GMDS: variants seen among roughly 807,000 people sequenced by gnomAD.
The protein encoded by GMDS is GDP-mannose 4,6-dehydratase, also known as GDP-mannose 4,6 dehydratase.
In GMDS, 20 loss-of-function variants were observed where a neutral mutation model predicts 49.9. The ratio of observed to expected loss-of-function variants is 0.40; its 90% CI spans 0.28 to 0.58. The LOEUF is 0.58. GMDS is among the 20% of genes least tolerant of loss of function. The pLI is 0.42. For synonymous variants in GMDS, 177 were observed against 178.6 expected, an observed-to-expected ratio of 0.99 and a Z score of 0.07; for missense variants, 362 against 481.4, an observed-to-expected ratio of 0.75 and a Z score of 2.32.
intron 4 of GMDS, among the ~76,000 whole-genome samples, chr6:2,099,199 G>A (rs577131654): frequency 2.0e-5 from 3 of 152,132 alleles, no homozygotes; most frequent in African/African-American, 7.2e-5. Flanking sequence ...TCAAATATGT[G>A]TTTTAAACTT....
chr6:1,651,362 T>C (rs1763648360), intron 9 of GMDS, among the ~76,000 whole-genome samples: 2 of 152,222 alleles, frequency 1.3e-5, no homozygotes, highest in South Asian at 4.1e-4. Context: ...AATAGTTCTG[T>C]GCACACTGTC....
Position 1,888,099 on chromosome 6 carries a change from C to T in GMDS, c.771+42004G>A, listed in dbSNP as rs191753395. ...AAGTACCTGAGACTACAGGGATGTG[C>T]CACCATTCCTGGCTATTTTTTTATT... On this transcript the variant is annotated intron_variant, in intron 7 of 10. Coordinates refer to ENST00000380815, the MANE Select transcript of GMDS (RefSeq NM_001500.4). Among the ~76,000 whole-genome samples, 678 of 151,656 alleles carry T rather than the reference C, an allele frequency of 4.5e-3. 4 individuals are homozygous for T. The highest frequency in any genetic ancestry group is 0.01 in the Middle Eastern group (3 of 294).
chr6:2,200,977 A>T (rs1440552586), intron 1 of GMDS, among the ~76,000 whole-genome samples: 2 of 145,844 alleles, frequency 1.4e-5, no homozygotes, highest in Non-Finnish European at 3.0e-5. Flanking sequence ...CCACATGGGC[A>T]TCCGAGATGA....
At chr6:2,160,692 C>T (rs1777354126) in intron 1 of GMDS, among the ~76,000 whole-genome samples, 2 of 152,082 alleles carry the variant, frequency 1.3e-5, no homozygotes, top group Non-Finnish European at 2.9e-5. Flanking sequence ...CACACCACCA[C>T]ACCTGGCTAA....
At chr6:1,908,116 C>A (rs868709075) in intron 7 of GMDS, among the ~76,000 whole-genome samples, 2 of 152,074 alleles carry the variant, frequency 1.3e-5, no homozygotes, top group South Asian at 2.1e-4. Flanking sequence ...ATCTGATAAC[C>A]AAGGAGGCTA....
At chr6:1,947,671 T>C (rs926008424) in intron 6 of GMDS, among the ~76,000 whole-genome samples, 6 of 152,184 alleles carry the variant, frequency 3.9e-5, no homozygotes, top group Non-Finnish European at 8.8e-5. Flanking sequence ...AAACATAAAA[T>C]CTGGCTTAAT....
intron 1 of GMDS, among the ~76,000 whole-genome samples, chr6:2,209,248 T>C (rs1238690869): frequency 6.6e-6 from 1 of 152,200 alleles, no homozygotes; most frequent in Non-Finnish European, 1.5e-5. Context: ...ATAAGAGCAC[T>C]GGTTGCCCCA....
intron 7 of GMDS, among the ~76,000 whole-genome samples, chr6:1,743,481 T>C (rs1767359896): frequency 7.0e-6 from 1 of 142,384 alleles, no homozygotes; most frequent in Non-Finnish European, 1.5e-5. Flanking sequence ...AGGCGGAGCT[T>C]GCAGGGAGCC....
chr6:1,922,357 G>C (rs1232077854), intron 7 of GMDS, among the ~76,000 whole-genome samples: 1 of 152,062 alleles, frequency 6.6e-6, no homozygotes, highest in African/African-American at 2.4e-5. Context: ...TTTAGACAAT[G>C]GAAACACAAA....
At chr6:1,848,367 G>T (rs1230349261) in intron 7 of GMDS, among the ~76,000 whole-genome samples, 2 of 151,970 alleles carry the variant, frequency 1.3e-5, no homozygotes, top group Non-Finnish European at 1.5e-5. Flanking sequence ...AGCTCAGTTG[G>T]CAACTTCTCC....
At chr6:1,900,059 C>T (rs1387319025) in intron 7 of GMDS, among the ~76,000 whole-genome samples, 1 of 152,252 alleles carries the variant, frequency 6.6e-6, no homozygotes, top group African/African-American at 2.4e-5. Context: ...CACTCTGAGT[C>T]AACGTTCAAG....
chr6:1,990,660 C>T (rs754348464), intron 4 of GMDS, among the ~76,000 whole-genome samples: 26 of 152,130 alleles, frequency 1.7e-4, no homozygotes, highest in South Asian at 4.1e-4. Flanking sequence ...TTCTAATCTC[C>T]GCCTCCCAGG....
At position 1,924,856 on chromosome 6, in the gene GMDS, G is replaced by A. The variant is rs140033319; in HGVS notation, c.771+5247C>T. Among the ~76,000 whole-genome samples the A allele has an allele frequency of 2.7e-3, 412 of 152,294 alleles. 3 individuals are homozygous for A. The highest frequency in any genetic ancestry group is 5.1e-3 in the Non-Finnish European group (344 of 68,030). ...GGTGGGCATAAAAGCAGGTTGTAGA[G>A]GGGTCAGGTAAATACTTAAGATAAA... On this transcript the variant is annotated intron_variant, in intron 7 of 10. Transcript: ENST00000380815.
At chr6:1,628,469 A>G (rs998689113) in intron 9 of GMDS, among the ~76,000 whole-genome samples, 1 of 152,240 alleles carries the variant, frequency 6.6e-6, no homozygotes, top group African/African-American at 2.4e-5. Flanking sequence ...GGGGAATGCT[A>G]TTCAACAGAC....
intron 1 of GMDS, among the ~76,000 whole-genome samples, chr6:2,177,198 A>G (rs766586157): frequency 6.6e-6 from 1 of 152,202 alleles, no homozygotes; most frequent in South Asian, 2.1e-4. Context: ...ACCTAAGGGC[A>G]GACTTAATCT....
chr6:1,624,361 C>G, intron 10 of GMDS, 111 bp downstream of exon 10: 1 of 1,297,268 alleles, frequency 7.7e-7, no homozygotes, highest in South Asian at 1.2e-5. Flanking sequence ...TCCCGCACCC[C>G]GCCTTCCGGG....
intron 1 of GMDS, among the ~76,000 whole-genome samples, chr6:2,134,620 T>A (rs1775903246): frequency 6.6e-6 from 1 of 152,278 alleles, no homozygotes; most frequent in African/African-American, 2.4e-5. Context: ...CACATGCACT[T>A]TTTGGTCTAA....
intron 7 of GMDS, among the ~76,000 whole-genome samples, chr6:1,754,670 C>T (rs1488069679): frequency 1.3e-5 from 2 of 152,134 alleles, no homozygotes; most frequent in Non-Finnish European, 2.9e-5. Flanking sequence ...CATCAAAAAG[C>T]TTATCCACCA....
chr6:2,071,684 TAA>T (rs148189888), intron 4 of GMDS, among the ~76,000 whole-genome samples: 43 of 140,998 alleles, frequency 3.0e-4, no homozygotes, highest in Non-Finnish European at 3.3e-4. Flanking sequence ...ACTTCACATT[TAA>T]AAAAAAAAAA....
Sources: allele counts gnomAD v4.1 joint callset (sites outside exome capture counted in the v4.1 genomes callset), GRCh38; gene constraint gnomAD v4.1.1; transcripts MANE v1.5; gene names NCBI Gene and HGNC (gene_info 2026-07-23, HGNC 2026-07-21).